Variants in LIN54 observed in about 807,000 individuals in gnomAD.
LIN54 encodes the protein protein lin-54 homolog.
Under a neutral mutation model 78.7 loss-of-function variants are expected in LIN54, and 9 were observed. The ratio of observed to expected loss-of-function variants is 0.11; its 90% confidence interval spans 0.07 to 0.20. The LOEUF is 0.20. Among genes scored for constraint, LIN54 ranks in the 10% least tolerant of loss-of-function variants. The probability of loss-of-function intolerance (pLI) is 1.00; values close to 1 mark genes in which losing one functional copy is unlikely to be tolerated. For missense variants in LIN54, 573 were observed against 889.9 expected (o/e 0.64, Z 4.53); for synonymous variants, 269 against 318.4 (o/e 0.84, Z 1.65).
rs111691358 is a variant in LIN54 at position 82,941,995 on chromosome 4, T to C, written c.1169-2033A>G. On this transcript the variant is annotated intron_variant, in intron 5 of 12. Transcript: ENST00000340417. ...ACTGTTAAAAGCAGATTTAAGAAGA[T>C]AGAAATGACATCTCTTCAGGTTTCA... 2.4e-3 allele frequency among the ~76,000 whole-genome samples: 366 copies of C among 152,328 alleles called. 4 individuals are homozygous for C. Among genetic ancestry groups the C allele is most frequent in the African/African-American group, 8.3e-3 (345 of 41,568 alleles).
rs561296111 is a variant in LIN54 at position 82,989,762 on chromosome 4, T to C, written c.-32-4886A>G. On this transcript the variant is annotated intron_variant, in intron 1 of 12. Transcript: ENST00000340417. ...GTGGCTTTAGAGCAGTAAGCAAAGCTTGCATTTACTTTCATTTTCAAGCAT... is the reference window on the plus strand; with the variant it reads ...GTGGCTTTAGAGCAGTAAGCAAAGCCTGCATTTACTTTCATTTTCAAGCAT... Among the ~76,000 whole-genome samples, 8 of 152,284 alleles carry C rather than the reference T, an allele frequency of 5.3e-5. No individual in the cohort carries two copies. In the East Asian group the frequency reaches 1.5e-3, roughly 29 times the overall value.
intron 7 of LIN54, 129 bp from the exon 8 acceptor site, chr4:82,938,633 AAC>A (rs1722596958): frequency 3.3e-6 from 2 of 611,388 alleles, no homozygotes; most frequent in Non-Finnish European, 5.8e-6. Context: ...ATATCACACA[AAC>A]ACATACTTCA....
At chr4:82,976,914 T>C (rs1578591071) in intron 3 of LIN54, among the ~76,000 whole-genome samples, 1 of 152,172 alleles carries the variant, frequency 6.6e-6, no homozygotes, top group African/African-American at 2.4e-5. Flanking sequence ...ACAATGCTAG[T>C]AAAATTTAAC....
chr4:82,999,097 A>G (rs1728512964), intron 1 of LIN54, among the ~76,000 whole-genome samples: 1 of 152,194 alleles, frequency 6.6e-6, no homozygotes, highest in Non-Finnish European at 1.5e-5. Context: ...GTCTGTTTCC[A>G]CATGAGCAGT....
At chr4:82,960,507 C>T (rs1028205317) in intron 4 of LIN54, among the ~76,000 whole-genome samples, 9 of 151,662 alleles carry the variant, frequency 5.9e-5, no homozygotes, top group African/African-American at 9.7e-5. Context: ...AATTGTGGCT[C>T]AATGCAGCCT....
At chr4:82,969,507 G>A (rs1189675470) in intron 4 of LIN54, among the ~76,000 whole-genome samples, 5 of 152,150 alleles carry the variant, frequency 3.3e-5, no homozygotes, top group African/African-American at 4.8e-5. Context: ...TTAATAAACT[G>A]TATGAGATAA....
intron 4 of LIN54, among the ~76,000 whole-genome samples, chr4:82,950,214 G>C (rs571579839): frequency 2.0e-5 from 3 of 152,082 alleles, no homozygotes; most frequent in Non-Finnish European, 4.4e-5. Context: ...TGACGTGTTA[G>C]TCCATGTAAT....
intron 2 of LIN54, among the ~76,000 whole-genome samples, chr4:82,980,902 A>T (rs1273798268): frequency 5.9e-5 from 9 of 152,186 alleles, no homozygotes; most frequent in African/African-American, 1.9e-4. Context: ...CTTATCAGTA[A>T]GAAAAAAATA....
rs1279425556 is a variant in LIN54, at chr4:83,001,861, G to A, written c.-33+8623C>T. Among the ~76,000 whole-genome samples the A allele has an allele frequency of 7.4e-3, 8 of 1,078 alleles. 1 individual carries two copies. The highest frequency in any genetic ancestry group is 0.17 in the South Asian group (1 of 6). 0.7% of individuals were successfully genotyped at this position (1,078 alleles called of 152,430 possible). A position where few individuals can be genotyped will look rare whatever the true frequency, so the allele number is the denominator to read the frequency against. ...AGACTCTGTCTCAAAAAAAAAAAAAGGATAGGAAGGAAGGAAGGAAGGAAG... is the reference window on the plus strand; with the variant it reads ...AGACTCTGTCTCAAAAAAAAAAAAAAGATAGGAAGGAAGGAAGGAAGGAAG... On this transcript the variant is annotated intron_variant, in intron 1 of 12. Coordinates refer to ENST00000340417, the MANE Select transcript of LIN54 (RefSeq NM_194282.4).
At chr4:82,954,031 T>G (rs1308581576) in intron 4 of LIN54, among the ~76,000 whole-genome samples, 2 of 152,192 alleles carry the variant, frequency 1.3e-5, no homozygotes, top group East Asian at 3.8e-4. Context: ...GTTCCTGTAC[T>G]TAATTTGTAC....
At chr4:82,997,930 G>T (rs1578647033) in intron 1 of LIN54, among the ~76,000 whole-genome samples, 2 of 149,906 alleles carry the variant, frequency 1.3e-5, no homozygotes, top group East Asian at 3.9e-4. Context: ...GGAGGCAGAG[G>T]TTGCAGTGAA....
At chr4:82,981,988 C>A (rs1441384250) in intron 2 of LIN54, among the ~76,000 whole-genome samples, 1 of 152,120 alleles carries the variant, frequency 6.6e-6, no homozygotes, top group African/African-American at 2.4e-5. Flanking sequence ...GGAGCACCCA[C>A]TGCACTCCAG....
intron 1 of LIN54, among the ~76,000 whole-genome samples, chr4:83,007,135 G>C (rs188899430): frequency 6.6e-6 from 1 of 151,700 alleles, no homozygotes. Context: ...GTGAAACTCC[G>C]TCTCAAAAAA....
In LIN54 at chr4:82,946,248, G is replaced by A. The variant is rs1166025195; in HGVS notation, c.1168+10C>T. Reference sequence around the variant, plus strand: ...GCATGAATTACTGTTTTTAAAAAATGGTTACTAACCTTGCTGAAGAGGCTG... The same window carrying A: ...GCATGAATTACTGTTTTTAAAAAATAGTTACTAACCTTGCTGAAGAGGCTG... On this transcript the variant is annotated intron_variant, in intron 5 of 12. Coordinates refer to ENST00000340417, the MANE Select transcript of LIN54 (RefSeq NM_194282.4). 6.3e-7 allele frequency: 1 copy of A among 1,598,622 alleles called. No individual in the cohort carries two copies. The highest frequency in any genetic ancestry group is 1.1e-5 in the South Asian group (1 of 90,712).
At chr4:82,932,297 C>T (rs866705953) in intron 11 of LIN54, among the ~76,000 whole-genome samples, 10 of 150,618 alleles carry the variant, frequency 6.6e-5, no homozygotes, top group African/African-American at 2.2e-4. Flanking sequence ...GGGGTTTCAC[C>T]GTGTTAGCCA....
chr4:82,930,926 TTAAAA>T lies in LIN54; in HGVS notation c.2048+12_2048+16del, dbSNP rs1223318661. 1.2e-6 allele frequency: 2 copies of T among 1,610,102 alleles called. No individual in the cohort carries two copies. Among genetic ancestry groups the T allele is most frequent in the South Asian group, 1.1e-5 (1 of 90,982 alleles). ...GTATTTGGGAAGTACTATAAAAAGA[TTAAAA>T]TACTGACTTACTTTCCGCCTCCACT... On this transcript the variant is annotated intron_variant, in intron 12 of 12. Transcript: ENST00000340417.
At position 82,930,989 on chromosome 4, in the gene LIN54, C is replaced by T. The variant is rs748336644; in HGVS notation, c.2002G>A (p.Asp668Asn). 1 of 1,614,202 alleles carries T rather than the reference C, an allele frequency of 6.2e-7. No individual in the cohort carries two copies. Among genetic ancestry groups the T allele is most frequent in the South Asian group, 1.1e-5 (1 of 91,086 alleles). The part of the protein sequence containing the change: ...AKTKLSSQIS[D>N]LLTRPTPALN... ...GCTGGTGTTGGCCTAGTAAGCAAGT[C>T]TGAAATTTGAGAGGATAACTTCGTC... The change falls in exon 12 of 13, where the codon GAC (aspartate) becomes AAC (asparagine). Residue 668 changes from aspartate (D) to asparagine (N), a missense_variant. By Grantham distance (23) the Asp-to-Asn change is conservative (BLOSUM62 1). Transcript: ENST00000340417.
At chr4:82,996,760 A>T (rs888597907) in intron 1 of LIN54, among the ~76,000 whole-genome samples, 8 of 152,048 alleles carry the variant, frequency 5.3e-5, no homozygotes, top group Admixed American at 3.3e-4. Context: ...TATGTTCTAG[A>T]AGCCAATAAA....
chr4:82,959,506 AAAAC>A (rs1403541836), intron 4 of LIN54, among the ~76,000 whole-genome samples: 2 of 152,126 alleles, frequency 1.3e-5, no homozygotes, highest in African/African-American at 4.8e-5. Flanking sequence ...GAAAAAAACA[AAAAC>A]AAAAACAAAA....
Sources: gnomAD v4.1 joint callset for allele counts (sites outside exome capture counted in the v4.1 genomes callset) on GRCh38, gnomAD v4.1.1 for gene constraint, MANE v1.5 for transcripts, NCBI Gene and HGNC (gene_info 2026-07-23, HGNC 2026-07-21) for gene names.